Variants in PVT1 observed in about 807,000 individuals in gnomAD.
PVT1 encodes the protein Pvt1 oncogene.
intron 2 of PVT1, among the ~76,000 whole-genome samples, chr8:127,858,449 A>AATAC (rs1342313873): frequency 1.3e-5 from 2 of 151,678 alleles, no homozygotes; most frequent in South Asian, 4.2e-4. Flanking sequence ...TAAATAAATA[A>AATAC]AAGATGGTCT....
At chr8:127,870,822 G>T (rs1815343671) in intron 2 of PVT1, among the ~76,000 whole-genome samples, 1 of 152,228 alleles carries the variant, frequency 6.6e-6, no homozygotes, top group African/African-American at 2.4e-5. Flanking sequence ...ATGCGATGAT[G>T]CATGTAAAGC....
intron 3 of PVT1, among the ~76,000 whole-genome samples, chr8:127,893,535 C>T (rs879725059): frequency 6.6e-6 from 1 of 152,210 alleles, no homozygotes; most frequent in Non-Finnish European, 1.5e-5. Flanking sequence ...GCGTGACCCA[C>T]CTTGCCCGGT....
At chr8:127,892,173 C>T (rs1278231945) in intron 3 of PVT1, among the ~76,000 whole-genome samples, 1 of 152,178 alleles carries the variant, frequency 6.6e-6, no homozygotes, top group African/African-American at 2.4e-5. Context: ...AGACAGGCTT[C>T]CCTGACCTCC....
At chr8:127,916,967 G>A (rs1586434808) in intron 3 of PVT1, among the ~76,000 whole-genome samples, 1 of 152,184 alleles carries the variant, frequency 6.6e-6, no homozygotes, top group Non-Finnish European at 1.5e-5. Flanking sequence ...GCTACCAAAA[G>A]CTTTAGATGT....
intron 2 of PVT1, among the ~76,000 whole-genome samples, chr8:127,863,190 C>A (rs1191210325): frequency 6.6e-6 from 1 of 152,018 alleles, no homozygotes; most frequent in South Asian, 2.1e-4. Flanking sequence ...CGGCTCACTG[C>A]AACCTCCGCC....
At chr8:127,824,400 T>C (rs936347946) in intron 2 of PVT1, among the ~76,000 whole-genome samples, 2 of 152,118 alleles carry the variant, frequency 1.3e-5, no homozygotes, top group Non-Finnish European at 2.9e-5. Context: ...TCAAGTGATC[T>C]GCCTACTTTG....
chr8:127,862,783 A>G (rs1343135433), intron 2 of PVT1, among the ~76,000 whole-genome samples: 1 of 152,226 alleles, frequency 6.6e-6, no homozygotes, highest in African/African-American at 2.4e-5. Flanking sequence ...GTGGTTGGCC[A>G]GCTTTTCATG....
At chr8:127,811,197 T>C (rs1232056939) in intron 2 of PVT1, among the ~76,000 whole-genome samples, 1 of 152,170 alleles carries the variant, frequency 6.6e-6, no homozygotes, top group Non-Finnish European at 1.5e-5. Flanking sequence ...CCCTTTTCTC[T>C]CCTCATGCCA....
At chr8:127,957,451 G>C (rs1282469770) in intron 3 of PVT1, among the ~76,000 whole-genome samples, 1 of 151,692 alleles carries the variant, frequency 6.6e-6, no homozygotes, top group Non-Finnish European at 1.5e-5. Context: ...CCTGTACCGT[G>C]CAGCTACTCA....
At chr8:127,984,921 C>CTTTCTT (rs1376264520) in intron 3 of PVT1, among the ~76,000 whole-genome samples, 3 of 112,314 alleles carry the variant, frequency 2.7e-5, no homozygotes, top group African/African-American at 8.6e-5. Flanking sequence ...TTCTTTCTTT[C>CTTTCTT]TCTTTCTCTT....
At chr8:127,893,355 C>T (rs567790758) in intron 3 of PVT1, among the ~76,000 whole-genome samples, 2 of 152,262 alleles carry the variant, frequency 1.3e-5, no homozygotes, top group South Asian at 4.2e-4. Flanking sequence ...CGGCTCACTG[C>T]AACCTCCACC....
At chr8:127,960,937 T>TGGGGGGGGGGGGGGGGG (rs71566655) in intron 3 of PVT1, among the ~76,000 whole-genome samples, 1 of 22,068 alleles carries the variant, frequency 4.5e-5, no homozygotes, top group Non-Finnish European at 1.2e-4. Context: ...TGTGTGTGTT[T>TGGGGGGGGGGGGGGGGG]GGGGGTGGGG....
At chr8:128,011,963 C>G (rs1225549479) in intron 4 of PVT1, among the ~76,000 whole-genome samples, 1 of 152,160 alleles carries the variant, frequency 6.6e-6, no homozygotes, top group East Asian at 1.9e-4. Context: ...CTGAAAGGAT[C>G]CAAGCATTGC....
chr8:127,914,999 A>G (rs1815965208), intron 3 of PVT1, among the ~76,000 whole-genome samples: 1 of 151,736 alleles, frequency 6.6e-6, no homozygotes, highest in African/African-American at 2.4e-5. Flanking sequence ...CTAATTTTGT[A>G]TTTTTGGTAG....
In PVT1 at chr8:127,883,698, G is replaced by A. The variant is rs572921820; in HGVS notation, n.373-6891G>A. ...CTTTGGAAAAAAAGAAAAAAAGAAG[G>A]AAATGACAGATTTGGTCCTGACAGC... On this transcript the variant is annotated intron_variant and non_coding_transcript_variant, in intron 2 of 10. Transcript: ENST00000651587. 1.4e-4 allele frequency among the ~76,000 whole-genome samples: 21 copies of A among 151,964 alleles called. No individual in the cohort carries two copies. In the South Asian group the frequency reaches 4.4e-3, roughly 32 times the overall value.
At chr8:127,877,126 C>G (rs6470589) in intron 2 of PVT1, among the ~76,000 whole-genome samples, 80,272 of 151,830 alleles carry the variant, frequency 0.53, 22,426 homozygotes, top group African/African-American at 0.74. Context: ...CCGAGGAGGA[C>G]AACTCCCCAG....
intron 3 of PVT1, among the ~76,000 whole-genome samples, chr8:127,903,737 A>G (rs1364109686): frequency 3.3e-5 from 5 of 152,148 alleles, no homozygotes; most frequent in Admixed American, 2.0e-4. Flanking sequence ...ATGGTTGTAG[A>G]TAAGTGGCTT....
chr8:127,926,352 G>A (rs1373441249), intron 3 of PVT1, among the ~76,000 whole-genome samples: 2 of 152,134 alleles, frequency 1.3e-5, no homozygotes. Flanking sequence ...CCCCTCCCTG[G>A]ACCGGTACAC....
intron 3 of PVT1, chr8:127,948,332 C>T (rs1045544857): frequency 1.1e-4 from 19 of 173,796 alleles, no homozygotes; most frequent in South Asian, 1.4e-4. Flanking sequence ...TAGGTGGTCC[C>T]GTCTGGTTTC....
Sources: gnomAD v4.1 joint callset for allele counts (sites outside exome capture counted in the v4.1 genomes callset) on GRCh38, gnomAD v4.1.1 for gene constraint, MANE v1.5 for transcripts, NCBI Gene and HGNC (gene_info 2026-07-23, HGNC 2026-07-21) for gene names.